Variants in ZNF14 observed in about 807,000 individuals in gnomAD.
ZNF14 encodes the protein gonadotropin inducible transcription repressor-4.
ZNF14 carries 9 observed loss-of-function variants against 11.3 expected under a neutral mutation model. That is an observed-to-expected ratio of 0.80 (90% CI 0.48 to 1.39). The LOEUF is 1.39. ZNF14 is among the 40% of genes most tolerant of loss of function. ZNF14 has a pLI of 0.00. For synonymous variants in ZNF14, 239 were observed against 245.7 expected (o/e 0.97, Z 0.25); for missense variants, 711 against 763.9 (o/e 0.93, Z 0.82).
At chr19:19,732,934 G>A (rs2062428316) in intron 1 of ZNF14, 22 bp downstream of exon 1, 1 of 1,613,246 alleles carries the variant, frequency 6.2e-7, no homozygotes, top group Non-Finnish European at 8.5e-7. Context: ...CCTCCCCTCG[G>A]ACACTGGCCC....
intron 1 of ZNF14, among the ~76,000 whole-genome samples, chr19:19,719,916 A>G (rs2062387966): frequency 6.6e-6 from 1 of 152,252 alleles, no homozygotes; most frequent in Non-Finnish European, 1.5e-5. Flanking sequence ...ACACTAAGAA[A>G]AAGAAAAGTA....
At position 19,710,603 on chromosome 19, in the gene ZNF14, T is replaced by C. The variant is rs2062355819; in HGVS notation, c.*749A>G. 2 of 152,320 alleles carry C rather than the reference T, an allele frequency of 1.3e-5. No homozygotes were observed. The highest frequency in any genetic ancestry group is 2.4e-5 in the African/African-American group (1 of 41,444). The allele number at this position is 152,320 out of a possible 1,614,324, so 9.4% of individuals were successfully genotyped here. A position where few individuals can be genotyped will look rare whatever the true frequency, so the allele number is the denominator to read the frequency against. On this transcript the variant is annotated 3_prime_UTR_variant, in exon 4 of 4. Coordinates refer to ENST00000344099, the MANE Select transcript of ZNF14 (RefSeq NM_021030.3). The stretch of plus-strand genomic sequence containing the variant: ...ACAACAAAAGAACTAGGATGAAGAA[T>C]TTCCCACATTCTTAATATTTATAGG...
intron 1 of ZNF14, among the ~76,000 whole-genome samples, chr19:19,732,079 T>C (rs2062425627): frequency 6.6e-6 from 1 of 151,822 alleles, no homozygotes; most frequent in Admixed American, 6.6e-5. Context: ...CAAAAAAAAA[T>C]GCTTACCACT....
chr19:19,715,783 T>G (rs1266914427), intron 1 of ZNF14, among the ~76,000 whole-genome samples: 1 of 152,220 alleles, frequency 6.6e-6, no homozygotes, highest in Non-Finnish European at 1.5e-5. Flanking sequence ...GGGAACTGGT[T>G]TTTCTTACAT....
chr19:19,727,968 T>G lies in ZNF14; in HGVS notation c.3+4988A>C, dbSNP rs1273784011. ...TCCGTCTCTACTAAAAATACAAAAA[T>G]TAGCTGGCATGGTGGCTCATGCCTA... On this transcript the variant is annotated intron_variant, in intron 1 of 3. Transcript: ENST00000344099. Among the ~76,000 whole-genome samples the G allele has an allele frequency of 4.6e-5, 6 of 129,856 alleles. 1 individual carries two copies. The highest frequency in any genetic ancestry group is 8.5e-5 in the Non-Finnish European group (5 of 58,792). 85.2% of individuals were successfully genotyped at this position (129,856 alleles called of 152,430 possible).
chr19:19,715,163 T>C (rs2062374478), intron 1 of ZNF14, among the ~76,000 whole-genome samples: 2 of 152,248 alleles, frequency 1.3e-5, no homozygotes, highest in African/African-American at 4.8e-5. Context: ...TTTCCTACCT[T>C]ATTACGTACC....
chr19:19,719,738 T>C (rs766597921), intron 1 of ZNF14, among the ~76,000 whole-genome samples: 11 of 152,120 alleles, frequency 7.2e-5, no homozygotes, highest in Non-Finnish European at 1.6e-4. Context: ...GAGACATTAA[T>C]ACAACTAAAT....
chr19:19,713,654 G>A (rs1336706625), intron 3 of ZNF14, among the ~76,000 whole-genome samples: 1 of 151,582 alleles, frequency 6.6e-6, no homozygotes, highest in African/African-American at 2.4e-5. Context: ...TTGCCATGTT[G>A]GCCAGGCTGG....
intron 1 of ZNF14, among the ~76,000 whole-genome samples, chr19:19,715,103 T>TACA (rs1351376576): frequency 6.6e-6 from 1 of 152,192 alleles, no homozygotes; most frequent in African/African-American, 2.4e-5. Context: ...AGAAATGCTA[T>TACA]ACAAATGAAA....
rs200630211 is a variant in ZNF14, at chr19:19,714,461, G to A, written c.30C>T (p.Ala10=). 28 of 1,613,768 alleles carry A rather than the reference G, an allele frequency of 1.7e-5. No individual in the cohort carries two copies. Among genetic ancestry groups the A allele is most frequent in the East Asian group, 4.5e-5 (2 of 44,896 alleles). ...CCCACTCCTCCAGGGTGAAGTTCAC[G>A]GCCACATCCTCAAAGGAGACTGAGT... MDSVSFEDV[A]VNFTLEEWAL... The change falls in exon 2 of 4, where the codon GCC becomes GCT. Residue 10 remains alanine, a synonymous_variant. Coordinates refer to ENST00000344099, the MANE Select transcript of ZNF14 (RefSeq NM_021030.3).
rs750447155 is a variant in ZNF14 at position 19,714,439 on chromosome 19, A to C, written c.52T>G (p.Trp18Gly). 6.2e-7 allele frequency: 1 copy of C among 1,614,028 alleles called. No homozygotes were observed. Among genetic ancestry groups the C allele is most frequent in the Admixed American group, 1.7e-5 (1 of 59,964 alleles). The change falls in exon 2 of 4, where the codon TGG (tryptophan) becomes GGG (glycine). Residue 18 changes from tryptophan (W) to glycine (G), a missense_variant. Trp to Gly is a radical substitution (Grantham distance 184). Transcript: ENST00000344099. The stretch of plus-strand genomic sequence containing the variant: ...TTCTGTGAAGAATCCAGCAAAGCCC[A>C]CTCCTCCAGGGTGAAGTTCACGGCC... ...DVAVNFTLEE[W>G]ALLDSSQKKL...
chr19:19,733,091 C>G lies in ZNF14; in HGVS notation c.-133G>C. 1 of 1,184,876 alleles carries G rather than the reference C, an allele frequency of 8.4e-7. No homozygotes were observed. Among genetic ancestry groups the G allele is most frequent in the Non-Finnish European group, 1.2e-6 (1 of 837,304 alleles). The allele number at this position is 1,184,876 out of a possible 1,614,324, so 73.4% of individuals were successfully genotyped here. ...GGTGAAACGCAATCTTCCCATGGGC[C>G]AGGAATGGCGACGTCCGCACTGCGC... On this transcript the variant is annotated 5_prime_UTR_variant, in exon 1 of 4. Coordinates refer to ENST00000344099, the MANE Select transcript of ZNF14 (RefSeq NM_021030.3).
At chr19:19,729,914 C>G (rs2062418306) in intron 1 of ZNF14, among the ~76,000 whole-genome samples, 1 of 152,162 alleles carries the variant, frequency 6.6e-6, no homozygotes, top group African/African-American at 2.4e-5. Context: ...GACCGATAAG[C>G]TTTACAAATC....
chr19:19,712,912 T>A lies in ZNF14; in HGVS notation c.369A>T (p.Arg123Ser), dbSNP rs144585541. Reference protein sequence around the residue: ...IHHSSLNRHMRSHTGQKPNEY... With the variant: ...IHHSSLNRHMSSHTGQKPNEY... ...CATTTGGTTTCTGTCCAGTGTGAGA[T>A]CTCATGTGCCTATTAAGGGACGAAT... The change falls in exon 4 of 4, where the codon AGA (arginine) becomes AGT (serine). Residue 123 changes from arginine to serine, a missense_variant. Physicochemically the swap from Arg to Ser is moderately radical, Grantham distance 110. Coordinates refer to ENST00000344099, the MANE Select transcript of ZNF14 (RefSeq NM_021030.3). 6.2e-7 allele frequency: 1 copy of A among 1,614,184 alleles called. No homozygotes were observed. Among genetic ancestry groups the A allele is most frequent in the African/African-American group, 1.3e-5 (1 of 75,078 alleles).
chr19:19,731,529 T>A (rs958650294), intron 1 of ZNF14, among the ~76,000 whole-genome samples: 1 of 151,864 alleles, frequency 6.6e-6, no homozygotes, highest in Non-Finnish European at 1.5e-5. Flanking sequence ...TGAGCTGTGA[T>A]CATGCCGTTG....
At chr19:19,717,423 C>A (rs1266251483) in intron 1 of ZNF14, among the ~76,000 whole-genome samples, 1 of 152,104 alleles carries the variant, frequency 6.6e-6, no homozygotes, top group East Asian at 1.9e-4. Context: ...GTTCTCAGAA[C>A]CCCAATATTT....
At chr19:19,717,882 T>G (rs561614453) in intron 1 of ZNF14, among the ~76,000 whole-genome samples, 2 of 152,336 alleles carry the variant, frequency 1.3e-5, no homozygotes, top group Admixed American at 1.3e-4. Flanking sequence ...TGTTTCTTTC[T>G]GCATGTTTCA....
At chr19:19,730,302 C>A (rs978693778) in intron 1 of ZNF14, among the ~76,000 whole-genome samples, 2 of 152,084 alleles carry the variant, frequency 1.3e-5, no homozygotes, top group African/African-American at 2.4e-5. Context: ...GCTGGGATTA[C>A]AGGCGTGACC....
Position 19,712,727 on chromosome 19 carries a change from T to G in ZNF14, c.554A>C (p.Gln185Pro), listed in dbSNP as rs201097630. ...TCCAGCATGAGTCCTTTCATGTCTT[T>G]GAAATGGCTGGTAATATATAAAGGC... ...GKAFIYYQPF[Q>P]RHERTHAGQK... Residue 185 changes from glutamine (Q) to proline (P), a missense_variant, in exon 4 of 4, where the codon CAA (glutamine) becomes CCA (proline). Physicochemically the swap from Gln to Pro is moderately conservative, Grantham distance 76. Transcript: ENST00000344099. The G allele has an allele frequency of 3.3e-5, 53 of 1,613,042 alleles. No homozygotes were observed. Among genetic ancestry groups the G allele is most frequent in the Middle Eastern group, 1.6e-4 (1 of 6,076 alleles).
Sources: allele counts gnomAD v4.1 joint callset (sites outside exome capture counted in the v4.1 genomes callset), GRCh38; gene constraint gnomAD v4.1.1; transcripts MANE v1.5; gene names NCBI Gene and HGNC (gene_info 2026-07-23, HGNC 2026-07-21).